Variants in SMIM17 observed in about 807,000 individuals in gnomAD.
SMIM17 encodes small integral membrane protein 17.
Under a neutral mutation model 12.2 loss-of-function variants are expected in SMIM17, and 10 were observed. The ratio of observed to expected loss-of-function variants is 0.82; its 90% confidence interval spans 0.50 to 1.39. SMIM17 has a LOEUF of 1.39. SMIM17 is among the 40% of genes most tolerant of loss of function. The pLI, the probability that SMIM17 is intolerant of heterozygous loss-of-function variation, is 0.00. For missense variants in SMIM17, 136 were observed against 118.2 expected (o/e 1.15, Z -0.70); for synonymous variants, 50 against 44.1 (o/e 1.13, Z -0.53).
chr19:56,647,793 G>A (rs2045076018), intron 3 of SMIM17, among the ~76,000 whole-genome samples, 159 bp downstream of exon 3: 1 of 151,928 alleles, frequency 6.6e-6, no homozygotes, highest in African/African-American at 2.4e-5. Context: ...CAGACTGGAG[G>A]GTCTCCATGT....
At chr19:56,652,055 GATTGTGCCACT>G (rs1363141626) in intron 3 of SMIM17, among the ~76,000 whole-genome samples, 1 of 133,016 alleles carries the variant, frequency 7.5e-6, no homozygotes, top group Non-Finnish European at 1.5e-5. Flanking sequence ...AATGAGCTGA[GATTGTGCCACT>G]GCACTCCAGC....
intron 1 of SMIM17, among the ~76,000 whole-genome samples, chr19:56,645,333 G>C (rs1239328661): frequency 6.6e-6 from 1 of 152,104 alleles, no homozygotes; most frequent in African/African-American, 2.4e-5. Context: ...GTCTGCATGT[G>C]CCTGCCCATG....
chr19:56,646,901 T>G (rs985010158), intron 2 of SMIM17, among the ~76,000 whole-genome samples: 7 of 152,162 alleles, frequency 4.6e-5, no homozygotes, highest in Non-Finnish European at 1.0e-4. Flanking sequence ...TACTAGGCAC[T>G]GTCTTTTTCC....
At position 56,645,791 on chromosome 19, in the gene SMIM17, G is replaced by A. The variant is rs1301769726; in HGVS notation, c.124G>A (p.Glu42Lys). ...PPHPACTKDW[E>K]AVEVGASSHD... is the part of the protein sequence containing the mutation. ...TCATCCCGCCTGCACCAAAGACTGGGAGGCTGTGGAGGTTGGGGCCTCCAG... is the reference window on the plus strand; with the variant it reads ...TCATCCCGCCTGCACCAAAGACTGGAAGGCTGTGGAGGTTGGGGCCTCCAG... Residue 42 changes from glutamate (E) to lysine (K), a missense_variant, in exon 2 of 4, where the codon GAG becomes AAG. By Grantham distance (56) the Glu-to-Lys change is moderately conservative. Coordinates refer to ENST00000598409, the MANE Select transcript of SMIM17 (RefSeq NM_001193628.2). The A allele has an allele frequency of 1.3e-6, 2 of 1,535,808 alleles. No homozygotes were observed. Among genetic ancestry groups the A allele is most frequent in the African/African-American group, 1.4e-5 (1 of 73,052 alleles).
At position 56,647,647 on chromosome 19, in the gene SMIM17, G is replaced by T. The variant is rs1405743215; in HGVS notation, c.246+13G>T. 1 of 1,533,632 alleles carries T rather than the reference G, an allele frequency of 6.5e-7. No individual in the cohort carries two copies. The highest frequency in any genetic ancestry group is 8.7e-7 in the Non-Finnish European group (1 of 1,144,918). On this transcript the variant is annotated intron_variant, in intron 3 of 3. Coordinates refer to ENST00000598409, the MANE Select transcript of SMIM17 (RefSeq NM_001193628.2). ...AGAGGGCTCCCAGGTACACTGGGGG[G>T]TTTGTTCTTTTTCCACAAATGTCCC...
chr19:56,650,317 G>A lies in SMIM17; in HGVS notation c.246+2683G>A, dbSNP rs140730511. ...GCCTCCTGAGTAGCTAGGACTACAG[G>A]CGCACACCACCATGCCCAGCTAATT... On this transcript the variant is annotated intron_variant, in intron 3 of 3. Transcript: ENST00000598409. 9.8e-3 allele frequency among the ~76,000 whole-genome samples: 1,495 copies of A among 152,224 alleles called. 25 individuals are homozygous for A. The highest frequency in any genetic ancestry group is 0.034 in the African/African-American group (1,405 of 41,520).
Position 56,655,576 on chromosome 19 carries a change from G to T in SMIM17, c.*363G>T. ...CATTTCCTAACATCAAACCAACTTT[G>T]CATTCTTAAGGTTTTGGTGCACCAG... is the stretch of plus-strand genomic sequence containing the variant. On this transcript the variant is annotated 3_prime_UTR_variant, in exon 4 of 4. Transcript: ENST00000598409. 1 of 266,718 alleles carries T rather than the reference G, an allele frequency of 3.7e-6. No homozygotes were observed. The highest frequency in any genetic ancestry group is 6.4e-5 in the East Asian group (1 of 15,514). The allele number at this position is 266,718 out of a possible 1,614,324, so 16.5% of individuals were successfully genotyped here. A position where few individuals can be genotyped will look rare whatever the true frequency, so the allele number is the denominator to read the frequency against.
intron 1 of SMIM17, among the ~76,000 whole-genome samples, chr19:56,645,259 G>A (rs991637712): frequency 3.3e-5 from 5 of 152,006 alleles, no homozygotes; most frequent in African/African-American, 1.2e-4. Flanking sequence ...GTGTGTCTGT[G>A]TGTGTGTATG....
intron 2 of SMIM17, 117 bp from the exon 3 acceptor site, chr19:56,647,441 G>A (rs1438846706): frequency 3.3e-6 from 2 of 612,280 alleles, no homozygotes; most frequent in Admixed American, 3.0e-5. Context: ...GAGAGAGAGA[G>A]AGAGAGAGAG....
At chr19:56,643,474 CA>C (rs2148036209) in intron 1 of SMIM17, among the ~76,000 whole-genome samples, 1 of 152,252 alleles carries the variant, frequency 6.6e-6, no homozygotes, top group East Asian at 1.9e-4. Context: ...TTGGGGGTTG[CA>C]GGTGAATTCC....
chr19:56,644,886 A>G (rs2045050058), intron 1 of SMIM17, among the ~76,000 whole-genome samples: 1 of 152,110 alleles, frequency 6.6e-6, no homozygotes, highest in African/African-American at 2.4e-5. Flanking sequence ...GATCCTTCCA[A>G]TATCTGAGAC....
chr19:56,655,307 G>T lies in SMIM17; in HGVS notation c.*94G>T, dbSNP rs1034042839. 3 of 551,388 alleles carry T rather than the reference G, an allele frequency of 5.4e-6. No homozygotes were observed. The South Asian group carries it at 7.8e-5, about 14-fold the overall frequency. 34.2% of individuals were successfully genotyped at this position (551,388 alleles called of 1,614,324 possible). ...TTGTGCTAGTTAAAAATCAGGAATA[G>T]GTGTTGAATATTTTCAAATGCCTTT... On this transcript the variant is annotated 3_prime_UTR_variant, in exon 4 of 4. Transcript: ENST00000598409.
At chr19:56,650,230 T>C (rs1001947306) in intron 3 of SMIM17, among the ~76,000 whole-genome samples, 9 of 152,130 alleles carry the variant, frequency 5.9e-5, no homozygotes, top group African/African-American at 2.2e-4. Context: ...GCAGTGGCAC[T>C]ATCTTGGCTT....
chr19:56,647,890 C>G (rs1453766711), intron 3 of SMIM17, among the ~76,000 whole-genome samples: 1 of 152,082 alleles, frequency 6.6e-6, no homozygotes, highest in Non-Finnish European at 1.5e-5. Flanking sequence ...ACTTCATCTT[C>G]TGTCCACTTA....
At chr19:56,652,899 G>A (rs953076980) in intron 3 of SMIM17, among the ~76,000 whole-genome samples, 2 of 152,146 alleles carry the variant, frequency 1.3e-5, no homozygotes, top group Non-Finnish European at 2.9e-5. Flanking sequence ...CCAGGGGAGA[G>A]CTGCACCAGC....
chr19:56,643,954 C>G (rs1010715337), intron 1 of SMIM17, among the ~76,000 whole-genome samples: 9 of 152,070 alleles, frequency 5.9e-5, no homozygotes, highest in Non-Finnish European at 1.0e-4. Context: ...TCCATTCTCT[C>G]AGGGGATGAC....
chr19:56,653,407 T>G (rs1388780406), intron 3 of SMIM17, among the ~76,000 whole-genome samples: 1 of 152,222 alleles, frequency 6.6e-6, no homozygotes, highest in Non-Finnish European at 1.5e-5. Context: ...TTATCTTCAT[T>G]GTATTTCAAA....
chr19:56,643,450 G>T (rs2045039201), intron 1 of SMIM17, among the ~76,000 whole-genome samples: 2 of 152,150 alleles, frequency 1.3e-5, no homozygotes, highest in Admixed American at 1.3e-4. Context: ...CGCAGCGGAG[G>T]TCTGTGTCCT....
At chr19:56,647,748 G>T (rs2045075575) in intron 3 of SMIM17, 114 bp downstream of exon 3, 2 of 856,992 alleles carry the variant, frequency 2.3e-6, no homozygotes, top group East Asian at 2.7e-5. Context: ...AATCTCAAGA[G>T]ATCTCTTGTG....
Sources: gnomAD v4.1 joint callset for allele counts (sites outside exome capture counted in the v4.1 genomes callset) on GRCh38, gnomAD v4.1.1 for gene constraint, MANE v1.5 for transcripts, NCBI Gene and HGNC (gene_info 2026-07-23, HGNC 2026-07-21) for gene names.